Variants in SPATA13 observed in about 807,000 individuals in gnomAD.
The protein encoded by SPATA13 is spermatogenesis associated 13.
A neutral mutation model predicts 104.0 loss-of-function variants in SPATA13; 50 were observed. The ratio of observed to expected loss-of-function variants is 0.48; its 90% CI spans 0.38 to 0.61. The LOEUF is 0.61. SPATA13 is among the 20% of genes least tolerant of loss of function. The pLI is 0.00. For missense variants in SPATA13, 1,524 were observed against 1,690.6 expected (o/e 0.90, Z 1.73); for synonymous variants, 606 against 667.5 (o/e 0.91, Z 1.42).
At chr13:24,229,418 G>T (rs371891190) in intron 2 of SPATA13, among the ~76,000 whole-genome samples, 1 of 152,134 alleles carries the variant, frequency 6.6e-6, no homozygotes, top group African/African-American at 2.4e-5. Flanking sequence ...TTCTCCTGCC[G>T]TGGGTCTTCT....
chr13:24,143,521 G>A (rs1309789286), intron 3 of SPATA13, among the ~76,000 whole-genome samples: 1 of 152,128 alleles, frequency 6.6e-6, no homozygotes, highest in African/African-American at 2.4e-5. Flanking sequence ...GCAAAGATGA[G>A]TGACCGAAAG....
intron 2 of SPATA13, among the ~76,000 whole-genome samples, chr13:23,987,366 A>G (rs920253699): frequency 6.6e-6 from 1 of 152,204 alleles, no homozygotes; most frequent in Admixed American, 6.5e-5. Context: ...AGATAGCTTG[A>G]ATAATGTAAA....
intron 1 of SPATA13, among the ~76,000 whole-genome samples, chr13:23,980,669 G>T (rs1349523224): frequency 6.6e-6 from 1 of 152,134 alleles, no homozygotes; most frequent in East Asian, 1.9e-4. Flanking sequence ...TTAGCTCACT[G>T]AAACCTCTGC....
intron 3 of SPATA13, among the ~76,000 whole-genome samples, chr13:24,025,170 T>C (rs1212199826): frequency 7.5e-6 from 1 of 133,794 alleles, no homozygotes; most frequent in Non-Finnish European, 1.6e-5. Flanking sequence ...TTTATGTCCT[T>C]AAGGAATATT....
At chr13:24,130,680 C>T (rs1016814359) in intron 3 of SPATA13, among the ~76,000 whole-genome samples, 21 of 152,158 alleles carry the variant, frequency 1.4e-4, no homozygotes, top group African/African-American at 4.3e-4. Flanking sequence ...AACATGCTGA[C>T]GGTTTAACGG....
Position 24,303,345 on chromosome 13 carries a change from G to C in SPATA13, c.*572G>C. Reference sequence around the variant, plus strand: ...CCCTGGCATCGTCTGTGTCCACACAGATGCTAACTGGTAGTGCAAATGTCA... The same window carrying C: ...CCCTGGCATCGTCTGTGTCCACACACATGCTAACTGGTAGTGCAAATGTCA... On this transcript the variant is annotated 3_prime_UTR_variant, in exon 13 of 13. Transcript: ENST00000382108. 3.7e-6 allele frequency: 1 copy of C among 269,694 alleles called. No individual in the cohort carries two copies. 16.7% of individuals were successfully genotyped at this position (269,694 alleles called of 1,614,324 possible). A position where few individuals can be genotyped will look rare whatever the true frequency, so the allele number is the denominator to read the frequency against.
intron 3 of SPATA13, among the ~76,000 whole-genome samples, chr13:24,134,311 G>T (rs374297273): frequency 1.3e-5 from 2 of 152,212 alleles, no homozygotes; most frequent in East Asian, 1.9e-4. Flanking sequence ...ACCATGAAAA[G>T]TGTAAGCCCT....
chr13:23,993,854 A>G (rs1875536131), intron 2 of SPATA13, among the ~76,000 whole-genome samples: 1 of 152,154 alleles, frequency 6.6e-6, no homozygotes, highest in African/African-American at 2.4e-5. Context: ...TATTCCAACA[A>G]CAGATTTGTC....
Position 24,137,651 on chromosome 13 carries a change from T to A in SPATA13, c.-111-85168T>A, listed in dbSNP as rs531464252. On this transcript the variant is annotated intron_variant, in intron 3 of 14. Coordinates refer to the SPATA13 transcript ENST00000424834. Reference sequence around the variant, plus strand: ...ACGCATGCCTCTAATCCCAGCTACTTGTGCGGCTGAGACAGGAAAACTGCT... The same window carrying A: ...ACGCATGCCTCTAATCCCAGCTACTAGTGCGGCTGAGACAGGAAAACTGCT... 2.6e-5 allele frequency among the ~76,000 whole-genome samples: 4 copies of A among 151,956 alleles called. No homozygotes were observed. In the South Asian group the frequency reaches 8.3e-4, roughly 32 times the overall value.
At chr13:24,270,644 T>C in intron 4 of SPATA13, 1 of 1,066,184 alleles carries the variant, frequency 9.4e-7, no homozygotes, top group Non-Finnish European at 1.3e-6. Flanking sequence ...AATGTCACTG[T>C]AGCCACTAAC....
chr13:24,200,691 C>T (rs1408928239), intron 1 of SPATA13, among the ~76,000 whole-genome samples: 2 of 151,178 alleles, frequency 1.3e-5, no homozygotes, highest in Non-Finnish European at 2.9e-5. Context: ...TTTTTGCTCT[C>T]GGTGGTCCCC....
At chr13:24,084,556 C>T (rs1879658413) in intron 3 of SPATA13, among the ~76,000 whole-genome samples, 1 of 151,928 alleles carries the variant, frequency 6.6e-6, no homozygotes, top group Admixed American at 6.6e-5. Flanking sequence ...AAAAAAGCAA[C>T]ACTACACAGT....
intron 3 of SPATA13, among the ~76,000 whole-genome samples, chr13:24,059,843 C>A (rs1314787683): frequency 6.6e-6 from 1 of 152,156 alleles, no homozygotes; most frequent in Non-Finnish European, 1.5e-5. Flanking sequence ...TCATTTTCTT[C>A]TCTTGCCTGA....
intron 3 of SPATA13, among the ~76,000 whole-genome samples, chr13:24,040,588 G>T (rs1242327296): frequency 1.3e-5 from 2 of 152,100 alleles, no homozygotes; most frequent in African/African-American, 2.4e-5. Context: ...GGGTCCCGGG[G>T]AGACACAGGG....
intron 3 of SPATA13, among the ~76,000 whole-genome samples, chr13:24,137,182 A>T (rs1372055554): frequency 6.6e-6 from 1 of 152,192 alleles, no homozygotes; most frequent in Admixed American, 6.5e-5. Context: ...ACAGGTGTTG[A>T]CATCTGGTAG....
intron 3 of SPATA13, among the ~76,000 whole-genome samples, chr13:24,077,489 G>A (rs1347377294): frequency 6.6e-6 from 1 of 152,094 alleles, no homozygotes; most frequent in Non-Finnish European, 1.5e-5. Context: ...GAAGAAGGGA[G>A]TGGGTGAGGG....
intron 2 of SPATA13, among the ~76,000 whole-genome samples, chr13:24,237,580 G>A (rs999924332): frequency 4.6e-5 from 7 of 152,106 alleles, no homozygotes; most frequent in Non-Finnish European, 7.4e-5. Flanking sequence ...ATACATTTGG[G>A]AGAGATGAAA....
chr13:24,043,352 C>G (rs1171311923), intron 3 of SPATA13, among the ~76,000 whole-genome samples: 1 of 152,174 alleles, frequency 6.6e-6, no homozygotes, highest in Non-Finnish European at 1.5e-5. Context: ...GTCCACTTCT[C>G]CCATCTCAGC....
intron 3 of SPATA13, among the ~76,000 whole-genome samples, chr13:24,129,130 G>C (rs1237734148): frequency 6.6e-6 from 1 of 152,264 alleles, no homozygotes; most frequent in Non-Finnish European, 1.5e-5. Flanking sequence ...TCTGCAGCAT[G>C]GGCTTTCAAT....
Sources: gnomAD v4.1 joint callset for allele counts (sites outside exome capture counted in the v4.1 genomes callset) on GRCh38, gnomAD v4.1.1 for gene constraint, MANE v1.5 for transcripts, NCBI Gene and HGNC (gene_info 2026-07-23, HGNC 2026-07-21) for gene names.